Variants in GRIP1 observed in about 807,000 individuals in gnomAD.
GRIP1 encodes the protein glutamate receptor-interacting protein 1.
GRIP1 carries 45 observed loss-of-function variants against 129.9 expected under a neutral mutation model. That is an observed-to-expected ratio of 0.35 (90% CI 0.27 to 0.44). GRIP1 has a LOEUF of 0.44. GRIP1 is among the 20% of genes least tolerant of loss of function. The pLI, the probability that GRIP1 is intolerant of heterozygous loss-of-function variation, is 1.00. For synonymous variants in GRIP1, 530 were observed against 520.8 expected (o/e 1.02, Z -0.24); for missense variants, 1,196 against 1,396.8 (o/e 0.86, Z 2.29).
intron 1 of GRIP1, among the ~76,000 whole-genome samples, chr12:66,877,611 C>T (rs192861846): frequency 1.3e-5 from 2 of 152,212 alleles, no homozygotes; most frequent in East Asian, 1.9e-4. Flanking sequence ...TTATTGCTCA[C>T]AGAACACACA....
chr12:67,012,239 A>G (rs1367218689), intron 1 of GRIP1, among the ~76,000 whole-genome samples: 2 of 152,236 alleles, frequency 1.3e-5, no homozygotes, highest in African/African-American at 4.8e-5. Flanking sequence ...CCAACCCTAC[A>G]GAATTATGAT....
At chr12:66,705,874 C>T (rs1422062386) in intron 1 of GRIP1, among the ~76,000 whole-genome samples, 1 of 152,102 alleles carries the variant, frequency 6.6e-6, no homozygotes. Flanking sequence ...TGAAACTGGA[C>T]CCCTTCCTCA....
Position 66,451,833 on chromosome 12 carries a change from G to C in GRIP1, c.1354+3576C>G, listed in dbSNP as rs192481360. ...CCAACAGCTCCTTTGTCCAAATGAG[G>C]GTGTGAGGACAGTTCTTAGGGTGTC... On this transcript the variant is annotated intron_variant, in intron 11 of 24. Coordinates refer to ENST00000359742, the MANE Select transcript of GRIP1 (RefSeq NM_001366722.1). Among the ~76,000 whole-genome samples the C allele has an allele frequency of 3.3e-5, 5 of 152,218 alleles. No individual in the cohort carries two copies. In the East Asian group the frequency reaches 9.7e-4, roughly 29 times the overall value.
chr12:66,620,786 C>A (rs1202949253), intron 1 of GRIP1, among the ~76,000 whole-genome samples: 1 of 151,942 alleles, frequency 6.6e-6, no homozygotes, highest in African/African-American at 2.4e-5. Context: ...CCAACCCCTC[C>A]CCCCCAGACT....
At chr12:66,438,847 A>C (rs1174240958) in intron 13 of GRIP1, among the ~76,000 whole-genome samples, 2 of 152,184 alleles carry the variant, frequency 1.3e-5, no homozygotes, top group African/African-American at 4.8e-5. Context: ...CAAGCAATAC[A>C]TTGGGTGCTA....
At chr12:66,398,919 A>C (rs995460917) in intron 16 of GRIP1, among the ~76,000 whole-genome samples, 1 of 151,980 alleles carries the variant, frequency 6.6e-6, no homozygotes, top group African/African-American at 2.4e-5. Context: ...ATACCTTGAA[A>C]ACAGAGATTT....
chr12:66,697,076 A>C (rs938599932), intron 1 of GRIP1, among the ~76,000 whole-genome samples: 27 of 152,156 alleles, frequency 1.8e-4, no homozygotes, highest in Admixed American at 1.4e-3. Context: ...GACATATAGC[A>C]GGTGCTTTAT....
intron 19 of GRIP1, among the ~76,000 whole-genome samples, chr12:66,389,285 G>A (rs1205068860): frequency 6.6e-6 from 1 of 152,208 alleles, no homozygotes; most frequent in Non-Finnish European, 1.5e-5. Context: ...CTGGAGTGCA[G>A]TGGCATGATC....
At chr12:66,525,483 C>G (rs1226781142) in intron 5 of GRIP1, among the ~76,000 whole-genome samples, 1 of 151,934 alleles carries the variant, frequency 6.6e-6, no homozygotes, top group Non-Finnish European at 1.5e-5. Flanking sequence ...TTCAACAACA[C>G]TTCATGCTAA....
chr12:66,676,291 T>G (rs1035664700), intron 1 of GRIP1, among the ~76,000 whole-genome samples: 1 of 152,092 alleles, frequency 6.6e-6, no homozygotes, highest in Admixed American at 6.6e-5. Flanking sequence ...AGAATGTGGG[T>G]GTTTGTAGAA....
chr12:66,354,713 G>A (rs1250583867), intron 23 of GRIP1, among the ~76,000 whole-genome samples: 1 of 152,150 alleles, frequency 6.6e-6, no homozygotes, highest in Non-Finnish European at 1.5e-5. Context: ...CAAAATCAGA[G>A]CTATGCAGGG....
chr12:66,630,706 C>A (rs2030682107), intron 1 of GRIP1, among the ~76,000 whole-genome samples: 1 of 152,156 alleles, frequency 6.6e-6, no homozygotes. Flanking sequence ...CAGTTACTCT[C>A]TTATGAATCA....
chr12:66,979,252 A>AAAAAAAAAAAAAC lies in GRIP1; in HGVS notation c.58+89797_58+89798insGTTTTTTTTTTTT, dbSNP rs772753895. 8.1e-4 allele frequency among the ~76,000 whole-genome samples: 89 copies of AAAAAAAAAAAAAC among 110,210 alleles called. 1 individual carries two copies. The highest frequency in any genetic ancestry group is 1.2e-3 in the Non-Finnish European group (66 of 55,722). 72.3% of individuals were successfully genotyped at this position (110,210 alleles called of 152,430 possible). On this transcript the variant is annotated intron_variant, in intron 1 of 1. Coordinates refer to the GRIP1 transcript ENST00000643019. ...AAAAAAAAAAAAAAAAAAAAAAAAA[A>AAAAAAAAAAAAAC]AACAAGCCCGTCATCCTGCAAGTAC...
intron 1 of GRIP1, among the ~76,000 whole-genome samples, chr12:66,700,686 G>A (rs906407827): frequency 1.3e-5 from 2 of 152,232 alleles, no homozygotes; most frequent in Middle Eastern, 3.4e-3. Flanking sequence ...GGCTGGGGGG[G>A]AGAATATCAA....
intron 1 of GRIP1, among the ~76,000 whole-genome samples, chr12:67,064,696 G>C (rs2043591632): frequency 6.6e-6 from 1 of 152,146 alleles, no homozygotes; most frequent in South Asian, 2.1e-4. Context: ...AAATGAAACA[G>C]GCCAAGTTTG....
chr12:66,391,824 T>C (rs2056599908), intron 19 of GRIP1, among the ~76,000 whole-genome samples: 1 of 151,916 alleles, frequency 6.6e-6, no homozygotes, highest in African/African-American at 2.4e-5. Flanking sequence ...GTATTCTAGC[T>C]GGGGTGACAG....
At chr12:66,928,935 G>C (rs964326696) in intron 1 of GRIP1, among the ~76,000 whole-genome samples, 1 of 152,176 alleles carries the variant, frequency 6.6e-6, no homozygotes, top group Non-Finnish European at 1.5e-5. Flanking sequence ...GTTTACCCAA[G>C]TGCAAGTGTA....
At chr12:66,775,676 A>G (rs1400339392) in intron 1 of GRIP1, among the ~76,000 whole-genome samples, 1 of 151,578 alleles carries the variant, frequency 6.6e-6, no homozygotes, top group Non-Finnish European at 1.5e-5. Context: ...AAAAATTTTA[A>G]ATATATTTAA....
At chr12:66,969,906 C>T (rs761122432) in intron 1 of GRIP1, among the ~76,000 whole-genome samples, 2 of 152,098 alleles carry the variant, frequency 1.3e-5, no homozygotes, top group African/African-American at 2.4e-5. Flanking sequence ...GCTCTTTCAT[C>T]GCTCCACTTA....
Sources: allele counts gnomAD v4.1 joint callset (sites outside exome capture counted in the v4.1 genomes callset), GRCh38; gene constraint gnomAD v4.1.1; transcripts MANE v1.5; gene names NCBI Gene and HGNC (gene_info 2026-07-23, HGNC 2026-07-21).